The following MME variants were observed in gnomAD, a reference collection of about 807,000 sequenced individuals.
The protein encoded by MME is neprilysin.
In MME, 98 loss-of-function variants were observed where a neutral mutation model predicts 113.2. That is an observed-to-expected ratio of 0.87 (90% CI 0.74 to 1.02). The LOEUF (loss-of-function observed/expected upper bound fraction) is 1.02, where lower values mean the gene tolerates loss of function less well. MME is among the 50% of genes least tolerant of loss of function. The probability of loss-of-function intolerance (pLI) is 0.00; values close to 1 mark genes in which losing one functional copy is unlikely to be tolerated. For missense variants in MME, 836 were observed against 896.0 expected, an observed-to-expected ratio of 0.93 and a Z score of 0.86; for synonymous variants, 292 against 300.6, an observed-to-expected ratio of 0.97 and a Z score of 0.30.
intron 1 of MME, among the ~76,000 whole-genome samples, chr3:155,041,421 A>T (rs1339027878): frequency 6.6e-6 from 1 of 152,336 alleles, no homozygotes; most frequent in African/African-American, 2.4e-5. Flanking sequence ...GTTAGGTGTT[A>T]TTACCGTAAT....
At chr3:155,125,691 CTT>C (rs1719594526) in intron 8 of MME, among the ~76,000 whole-genome samples, 1 of 151,916 alleles carries the variant, frequency 6.6e-6, no homozygotes, top group Non-Finnish European at 1.5e-5. Flanking sequence ...GAACTCCTGA[CTT>C]TGTGGTCCAC....
intron 13 of MME, 93 bp from the exon 14 acceptor site, chr3:155,144,266 G>A (rs1721337940): frequency 1.2e-6 from 1 of 842,910 alleles, no homozygotes; most frequent in East Asian, 2.5e-5. Context: ...AACATATTAA[G>A]TCATACAAAG....
At chr3:155,103,332 A>G (rs1717421669) in intron 3 of MME, among the ~76,000 whole-genome samples, 1 of 152,234 alleles carries the variant, frequency 6.6e-6, no homozygotes, top group Non-Finnish European at 1.5e-5. Context: ...TACCTAATAC[A>G]CAAATATAGC....
At chr3:155,032,886 A>G (rs1421121624) in intron 1 of MME, among the ~76,000 whole-genome samples, 1 of 152,208 alleles carries the variant, frequency 6.6e-6, no homozygotes, top group East Asian at 1.9e-4. Context: ...AAGCTAGAGA[A>G]GTTTAACAGA....
At chr3:155,091,458 T>C (rs1716292535) in intron 3 of MME, among the ~76,000 whole-genome samples, 1 of 152,196 alleles carries the variant, frequency 6.6e-6, no homozygotes, top group Admixed American at 6.5e-5. Context: ...CAATTAGCAA[T>C]GCCTGGTAAG....
chr3:155,142,868 T>C (rs1721223018), intron 12 of MME, among the ~76,000 whole-genome samples: 1 of 152,146 alleles, frequency 6.6e-6, no homozygotes. Context: ...CCAGCAAACA[T>C]GTTAGTTGGA....
intron 12 of MME, 107 bp from the exon 13 acceptor site, chr3:155,143,336 G>A: frequency 7.8e-7 from 1 of 1,288,310 alleles, no homozygotes; most frequent in South Asian, 1.2e-5. Flanking sequence ...GAGGAGAAGT[G>A]ATGAATATTT....
chr3:155,138,277 AC>A (rs1559943164), intron 9 of MME, 41 bp downstream of exon 9: 1 of 1,602,444 alleles, frequency 6.2e-7, no homozygotes, highest in Admixed American at 1.7e-5. Context: ...AATAATGTCA[AC>A]CGCTTTTTTT....
upstream of MME, among the ~76,000 whole-genome samples, chr3:155,078,601 T>C (rs3773906): frequency 4.8e-3 from 733 of 151,930 alleles, 5 homozygotes; most frequent in East Asian, 0.017. Flanking sequence ...AACAGATAAT[T>C]GCAAACCCAG....
intron 1 of MME, among the ~76,000 whole-genome samples, chr3:155,024,479 T>A (rs1712707693): frequency 6.6e-6 from 1 of 152,200 alleles, no homozygotes; most frequent in South Asian, 2.1e-4. Flanking sequence ...GATGCTTAAT[T>A]TGGTGTATGT....
rs191818283 is a variant in MME at position 155,176,885 on chromosome 3, A to G, written c.2154-3475A>G. On this transcript the variant is annotated intron_variant, in intron 22 of 22. Coordinates refer to ENST00000360490, the MANE Select transcript of MME (RefSeq NM_007289.4). ...TCATAAACACCAAATGTTAACTAAG[A>G]AAGTAAGTGAAGCCCTAGTGTGTTG... is the stretch of plus-strand genomic sequence containing the variant. Among the ~76,000 whole-genome samples, 933 of 152,216 alleles carry G rather than the reference A, an allele frequency of 6.1e-3. 7 individuals are homozygous for G. The highest frequency in any genetic ancestry group is 9.1e-3 in the Non-Finnish European group (621 of 68,006).
intron 20 of MME, among the ~76,000 whole-genome samples, chr3:155,171,298 C>G (rs1711925413): frequency 6.6e-6 from 1 of 152,130 alleles, no homozygotes. Context: ...TTTCCCATAT[C>G]CCCAGCATCT....
At chr3:155,158,480 T>C (rs1325891093) in intron 16 of MME, 4 of 151,982 alleles carry the variant, frequency 2.6e-5, no homozygotes, top group Non-Finnish European at 5.9e-5. Context: ...CCCCTAGGAG[T>C]AGTAAGAGCA....
At chr3:155,152,878 C>T (rs1401486713) in intron 16 of MME, among the ~76,000 whole-genome samples, 1 of 151,956 alleles carries the variant, frequency 6.6e-6, no homozygotes, top group East Asian at 1.9e-4. Flanking sequence ...AAACATTTCA[C>T]TATCATGGCT....
At chr3:155,076,909 G>A (rs1178885125), upstream of MME, among the ~76,000 whole-genome samples, 1 of 152,114 alleles carries the variant, frequency 6.6e-6, no homozygotes, top group Non-Finnish European at 1.5e-5. Flanking sequence ...GAGCAGTGAG[G>A]ACCACCAGCG....
At chr3:155,172,070 AC>A (rs1712028750) in intron 20 of MME, 46 bp from the exon 21 acceptor site, 1 of 1,109,568 alleles carries the variant, frequency 9.0e-7, no homozygotes, top group African/African-American at 1.6e-5. Flanking sequence ...TTTATATATA[AC>A]CTTAGGAATT....
intron 1 of MME, among the ~76,000 whole-genome samples, chr3:155,061,830 C>A (rs1365454530): frequency 6.6e-6 from 1 of 151,916 alleles, no homozygotes; most frequent in East Asian, 2.0e-4. Flanking sequence ...TCAGTTAATT[C>A]TTGTATTTTC....
At chr3:155,061,450 CAAAA>C (rs768689390) in intron 1 of MME, among the ~76,000 whole-genome samples, 2 of 52,542 alleles carry the variant, frequency 3.8e-5, no homozygotes, top group Admixed American at 2.2e-4. Context: ...GGCTCCATCT[CAAAA>C]AAAAAAAAAA....
intron 4 of MME, among the ~76,000 whole-genome samples, chr3:155,115,987 G>A (rs1451332550): frequency 2.0e-5 from 3 of 152,012 alleles, no homozygotes; most frequent in African/African-American, 7.3e-5. Flanking sequence ...AACAATTTTT[G>A]CTACTTTTTA....
Sources: allele counts gnomAD v4.1 joint callset (sites outside exome capture counted in the v4.1 genomes callset), GRCh38; gene constraint gnomAD v4.1.1; transcripts MANE v1.5; gene names NCBI Gene and HGNC (gene_info 2026-07-23, HGNC 2026-07-21).